CSMD1: variants seen among roughly 807,000 people sequenced by gnomAD.
CSMD1 encodes the protein CUB and Sushi multiple domains 1.
A neutral mutation model predicts 417.5 loss-of-function variants in CSMD1; 213 were observed. That is an observed-to-expected ratio of 0.51 (90% CI 0.46 to 0.57). The LOEUF (loss-of-function observed/expected upper bound fraction) is 0.57. Among genes scored for constraint, CSMD1 ranks in the 20% least tolerant of loss-of-function variants. The pLI is 0.00. For synonymous variants in CSMD1, 2,862 were observed against 1,736.8 expected (o/e 1.65, Z -16.11); for missense variants, 6,923 against 4,529.7 (o/e 1.53, Z -15.17).
chr8:4,132,835 G>A (rs2680626), intron 3 of CSMD1, among the ~76,000 whole-genome samples: 11 of 152,160 alleles, frequency 7.2e-5, no homozygotes, highest in East Asian at 3.9e-4. Context: ...ATGATAGACA[G>A]TTTGTAGCTC....
intron 5 of CSMD1, among the ~76,000 whole-genome samples, chr8:3,958,576 C>T (rs187408107): frequency 1.3e-5 from 2 of 152,246 alleles, no homozygotes; most frequent in Admixed American, 6.5e-5. Context: ...CATTTATCTG[C>T]TTGTTCTTTA....
At chr8:3,700,403 CGTATAT>C (rs1563286755) in intron 7 of CSMD1, 4 of 152,034 alleles carry the variant, frequency 2.6e-5, no homozygotes, top group African/African-American at 9.7e-5. Flanking sequence ...TAAACATACA[CGTATAT>C]GTATATGTAA....
chr8:4,986,159 G>C lies in CSMD1; in HGVS notation c.85+8173C>G, dbSNP rs529296616. ...ATAAGGCCCATCCTTTGAGATAAAA[G>C]TGAAGATAGACTCTAACTTCAGTGG... On this transcript the variant is annotated intron_variant, in intron 1 of 69. Transcript: ENST00000635120. Among the ~76,000 whole-genome samples, 4 of 152,280 alleles carry C rather than the reference G, an allele frequency of 2.6e-5. No homozygotes were observed. The East Asian group carries it at 5.8e-4, about 22-fold the overall frequency.
intron 7 of CSMD1, among the ~76,000 whole-genome samples, chr8:3,653,554 G>T (rs145205792): frequency 6.6e-6 from 1 of 152,004 alleles, no homozygotes; most frequent in Non-Finnish European, 1.5e-5. Context: ...AGTAATCAGC[G>T]CACCTCAGCC....
intron 52 of CSMD1, among the ~76,000 whole-genome samples, chr8:3,014,905 G>A (rs1006518376): frequency 5.4e-5 from 8 of 147,342 alleles, no homozygotes; most frequent in Non-Finnish European, 1.0e-4. Flanking sequence ...AACACAGTGA[G>A]ACCCTGTCTC....
chr8:4,389,991 T>G (rs1430445), intron 3 of CSMD1, among the ~76,000 whole-genome samples: 1 of 152,110 alleles, frequency 6.6e-6, no homozygotes, highest in Non-Finnish European at 1.5e-5. Context: ...TTAGGAATAT[T>G]TTTTAACTTT....
intron 2 of CSMD1, among the ~76,000 whole-genome samples, chr8:4,606,544 G>C (rs1394021088): frequency 6.6e-6 from 1 of 152,170 alleles, no homozygotes; most frequent in East Asian, 1.9e-4. Context: ...CAGCAGGGCT[G>C]TCAGCTGCTG....
intron 5 of CSMD1, among the ~76,000 whole-genome samples, chr8:3,821,129 G>C (rs60346878): frequency 0.024 from 3,681 of 152,060 alleles, 158 homozygotes; most frequent in African/African-American, 0.083. Flanking sequence ...TGTAAGCCAG[G>C]CTGGTCTCGA....
chr8:4,719,603 G>T (rs1490948205), intron 1 of CSMD1, among the ~76,000 whole-genome samples: 1 of 151,612 alleles, frequency 6.6e-6, no homozygotes, highest in Non-Finnish European at 1.5e-5. Flanking sequence ...CTTTGGGATG[G>T]TAAGGTCAAT....
chr8:3,667,136 G>A (rs1005581173), intron 7 of CSMD1, among the ~76,000 whole-genome samples: 1 of 152,094 alleles, frequency 6.6e-6, no homozygotes, highest in Non-Finnish European at 1.5e-5. Flanking sequence ...GTTTGGGAGT[G>A]AGGTAAAGGG....
At chr8:3,503,571 C>T (rs980953883) in intron 10 of CSMD1, among the ~76,000 whole-genome samples, 12 of 152,324 alleles carry the variant, frequency 7.9e-5, no homozygotes, top group African/African-American at 2.2e-4. Flanking sequence ...CTGACATCCC[C>T]GCCCTCAGGG....
intron 23 of CSMD1, among the ~76,000 whole-genome samples, chr8:3,324,784 T>C: frequency 6.6e-6 from 1 of 152,204 alleles, no homozygotes; most frequent in Middle Eastern, 3.2e-3. Flanking sequence ...TATCTGACGG[T>C]GAGTGTTCAA....
chr8:3,225,369 A>T (rs1377663688), intron 27 of CSMD1, among the ~76,000 whole-genome samples: 1 of 151,450 alleles, frequency 6.6e-6, no homozygotes, highest in Non-Finnish European at 1.5e-5. Flanking sequence ...AAAAGATTAA[A>T]ACTTGATTTT....
chr8:3,632,451 A>G (rs902953878), intron 7 of CSMD1, among the ~76,000 whole-genome samples: 6 of 152,128 alleles, frequency 3.9e-5, no homozygotes, highest in Non-Finnish European at 5.9e-5. Flanking sequence ...TGAGAAAAAC[A>G]CCAAAAGTGC....
chr8:3,625,945 A>G (rs1689238953), intron 7 of CSMD1, among the ~76,000 whole-genome samples: 1 of 152,242 alleles, frequency 6.6e-6, no homozygotes, highest in South Asian at 2.1e-4. Context: ...TTTTCCTTAT[A>G]AAGCTTCAAA....
intron 5 of CSMD1, among the ~76,000 whole-genome samples, chr8:3,781,306 A>T (rs1196310726): frequency 2.0e-5 from 3 of 152,176 alleles, no homozygotes; most frequent in Non-Finnish European, 4.4e-5. Flanking sequence ...TACAATATTC[A>T]TACATGTCTT....
At chr8:4,379,842 C>A (rs1802990177) in intron 3 of CSMD1, among the ~76,000 whole-genome samples, 1 of 152,172 alleles carries the variant, frequency 6.6e-6, no homozygotes, top group Non-Finnish European at 1.5e-5. Context: ...AAAAAGTGAT[C>A]CCTGCTAGGA....
At chr8:4,933,998 CT>C (rs71515690) in intron 1 of CSMD1, among the ~76,000 whole-genome samples, 28 of 151,318 alleles carry the variant, frequency 1.9e-4, no homozygotes, top group African/African-American at 5.1e-4. Context: ...TACGTTTATG[CT>C]TTTTTTTTAA....
At chr8:4,340,515 A>G (rs1410267354) in intron 3 of CSMD1, among the ~76,000 whole-genome samples, 4 of 151,998 alleles carry the variant, frequency 2.6e-5, no homozygotes, top group Non-Finnish European at 5.9e-5. Flanking sequence ...TCATGGTTAG[A>G]CTTTATTATA....
Sources: allele counts gnomAD v4.1 joint callset (sites outside exome capture counted in the v4.1 genomes callset), GRCh38; gene constraint gnomAD v4.1.1; transcripts MANE v1.5; gene names NCBI Gene and HGNC (gene_info 2026-07-23, HGNC 2026-07-21).